NRXN1: variants seen among roughly 807,000 people sequenced by gnomAD.
NRXN1 encodes the protein neurexin 1, also known as neurexin-1.
A neutral mutation model predicts 150.9 loss-of-function variants in NRXN1; 39 were observed. The ratio of observed to expected loss-of-function variants is 0.26; its 90% CI spans 0.20 to 0.34. NRXN1 has a LOEUF of 0.34. Ranked by LOEUF, NRXN1 falls within the 10% of genes least tolerant of loss-of-function variation. The pLI is 1.00. For synonymous variants in NRXN1, 924 were observed against 757.0 expected (o/e 1.22, Z -3.62); for missense variants, 1,815 against 1,949.9 (o/e 0.93, Z 1.30).
At chr2:50,263,246 G>A (rs975349731) in intron 17 of NRXN1, among the ~76,000 whole-genome samples, 4 of 151,492 alleles carry the variant, frequency 2.6e-5, no homozygotes, top group Non-Finnish European at 5.9e-5. Flanking sequence ...TGAGCAGGAG[G>A]AACACATAGG....
At chr2:50,919,259 A>C (rs1054357160) in intron 5 of NRXN1, 4 of 151,798 alleles carry the variant, frequency 2.6e-5, no homozygotes, top group African/African-American at 9.7e-5. Flanking sequence ...CAGAAGGATC[A>C]ACATCAACTC....
chr2:50,591,381 C>CAGAT (rs59774040), intron 8 of NRXN1, among the ~76,000 whole-genome samples: 24,665 of 134,530 alleles, frequency 0.18, 2,148 homozygotes, highest in East Asian at 0.23. Flanking sequence ...CACTATATAT[C>CAGAT]AGATAGATAG....
At chr2:50,795,241 AC>A (rs566411290) in intron 5 of NRXN1, among the ~76,000 whole-genome samples, 121 of 152,204 alleles carry the variant, frequency 7.9e-4, no homozygotes, top group African/African-American at 2.8e-3. Flanking sequence ...GAGAGCCCCC[AC>A]ATTTACATTT....
chr2:50,963,531 T>C (rs530270443), intron 2 of NRXN1, among the ~76,000 whole-genome samples: 17 of 151,844 alleles, frequency 1.1e-4, no homozygotes, highest in Admixed American at 3.9e-4. Context: ...AATTGACAAA[T>C]TTATTTTGCA....
chr2:50,156,359 G>C (rs1217710220), intron 18 of NRXN1, among the ~76,000 whole-genome samples: 1 of 151,976 alleles, frequency 6.6e-6, no homozygotes, highest in East Asian at 1.9e-4. Context: ...CTCAGCACTA[G>C]CGTGCCTGTG....
At chr2:50,767,800 A>AG (rs1436388726) in intron 5 of NRXN1, among the ~76,000 whole-genome samples, 1 of 152,070 alleles carries the variant, frequency 6.6e-6, no homozygotes, top group Non-Finnish European at 1.5e-5. Context: ...TAATAAAAAT[A>AG]AGGACATTAT....
At chr2:50,867,567 CT>C (rs370734650) in intron 5 of NRXN1, among the ~76,000 whole-genome samples, 29 of 148,790 alleles carry the variant, frequency 1.9e-4, no homozygotes, top group Middle Eastern at 3.5e-3. Flanking sequence ...ACTTTAAAAC[CT>C]TTTTTTTTTC....
At chr2:50,125,195 A>G (rs962139069) in intron 18 of NRXN1, among the ~76,000 whole-genome samples, 2 of 152,174 alleles carry the variant, frequency 1.3e-5, no homozygotes, top group African/African-American at 4.8e-5. Context: ...TCAATTATTG[A>G]TATGTAGAAA....
chr2:50,305,195 A>G (rs1283547012), intron 17 of NRXN1, among the ~76,000 whole-genome samples: 2 of 152,238 alleles, frequency 1.3e-5, no homozygotes, highest in African/African-American at 2.4e-5. Flanking sequence ...CTTTTAAAAA[A>G]TGATTTTACA....
chr2:49,935,798 C>T (rs1230738240), intron 22 of NRXN1, among the ~76,000 whole-genome samples: 1 of 152,150 alleles, frequency 6.6e-6, no homozygotes, highest in Non-Finnish European at 1.5e-5. Flanking sequence ...GTATTTGACA[C>T]AAATTACAAG....
chr2:50,735,250 A>G (rs976340270), intron 5 of NRXN1, among the ~76,000 whole-genome samples: 2 of 152,200 alleles, frequency 1.3e-5, no homozygotes, highest in African/African-American at 4.8e-5. Context: ...CCAAATCAAT[A>G]TTTACATATT....
intron 17 of NRXN1, among the ~76,000 whole-genome samples, chr2:50,385,638 T>A (rs2081283575): frequency 6.6e-6 from 1 of 152,154 alleles, no homozygotes; most frequent in Non-Finnish European, 1.5e-5. Flanking sequence ...CACAGCTGAT[T>A]CCCTTTCTAG....
intron 2 of NRXN1, among the ~76,000 whole-genome samples, chr2:50,974,787 T>C (rs1332769206): frequency 3.3e-5 from 5 of 152,094 alleles, no homozygotes; most frequent in Admixed American, 2.6e-4. Flanking sequence ...CAGTGCCTAA[T>C]AATTTGCATT....
At chr2:50,791,556 G>A (rs905826598) in intron 5 of NRXN1, among the ~76,000 whole-genome samples, 1 of 152,026 alleles carries the variant, frequency 6.6e-6, no homozygotes, top group African/African-American at 2.4e-5. Flanking sequence ...TCTTTAGTAT[G>A]TACTCCTAAG....
At chr2:50,280,795 C>G (rs1483268498) in intron 17 of NRXN1, among the ~76,000 whole-genome samples, 2 of 152,042 alleles carry the variant, frequency 1.3e-5, no homozygotes, top group African/African-American at 2.4e-5. Context: ...TCCTATTGAG[C>G]CTTTCCTGAG....
chr2:50,270,970 T>C (rs960877226), intron 17 of NRXN1, among the ~76,000 whole-genome samples: 3 of 152,296 alleles, frequency 2.0e-5, no homozygotes, highest in South Asian at 2.1e-4. Context: ...TATACAGATA[T>C]AGGTTTTTGA....
At chr2:50,367,068 G>A (rs143958983) in intron 17 of NRXN1, among the ~76,000 whole-genome samples, 2 of 151,968 alleles carry the variant, frequency 1.3e-5, no homozygotes, top group African/African-American at 4.8e-5. Flanking sequence ...CTTAAGGAAA[G>A]TAGGGAACAT....
Position 50,429,381 on chromosome 2 carries a change from C to T in NRXN1, c.3364+36061G>A, listed in dbSNP as rs189797134. Among the ~76,000 whole-genome samples, 19 of 152,180 alleles carry T rather than the reference C, an allele frequency of 1.2e-4. No individual in the cohort carries two copies. The South Asian group carries it at 3.5e-3, about 28-fold the overall frequency. ...AAGCAATTCTTGTGCCTCAGCCTCC[C>T]GAGTAGCTGAAATTACAGGCACATG... On this transcript the variant is annotated intron_variant, in intron 17 of 22. Coordinates refer to ENST00000401669, the MANE Select transcript of NRXN1 (RefSeq NM_001330078.2).
intron 5 of NRXN1, among the ~76,000 whole-genome samples, chr2:50,644,122 G>T (rs1684457717): frequency 6.6e-6 from 1 of 150,558 alleles, no homozygotes; most frequent in Non-Finnish European, 1.5e-5. Context: ...TTAACGTTCA[G>T]GTAAGATTTT....
Sources: allele counts gnomAD v4.1 joint callset (sites outside exome capture counted in the v4.1 genomes callset), GRCh38; gene constraint gnomAD v4.1.1; transcripts MANE v1.5; gene names NCBI Gene and HGNC (gene_info 2026-07-23, HGNC 2026-07-21).